Variants in PHLPP1 observed in about 807,000 individuals in gnomAD.
PHLPP1 encodes the protein PH domain leucine-rich repeat-containing protein phosphatase 1.
In PHLPP1, 42 loss-of-function variants were observed where a neutral mutation model predicts 117.2. The ratio of observed to expected loss-of-function variants is 0.36; its 90% confidence interval spans 0.28 to 0.46. PHLPP1 has a LOEUF of 0.46. Among genes scored for constraint, PHLPP1 ranks in the 20% least tolerant of loss-of-function variants. PHLPP1 has a pLI of 1.00. For synonymous variants in PHLPP1, 1,042 were observed against 970.7 expected, an observed-to-expected ratio of 1.07 and a Z score of -1.37; for missense variants, 2,084 against 2,241.9, an observed-to-expected ratio of 0.93 and a Z score of 1.42.
intron 13 of PHLPP1, among the ~76,000 whole-genome samples, chr18:62,959,285 T>C (rs1024966067): frequency 8.5e-5 from 13 of 152,328 alleles, no homozygotes; most frequent in African/African-American, 3.1e-4. Context: ...CAATTGAATA[T>C]TACAAAGCCA....
At chr18:62,751,542 A>G (rs1269569261) in intron 1 of PHLPP1, among the ~76,000 whole-genome samples, 1 of 152,220 alleles carries the variant, frequency 6.6e-6, no homozygotes, top group Non-Finnish European at 1.5e-5. Context: ...CTGCCTAATT[A>G]TACTGTAAAA....
chr18:62,937,626 T>C (rs1489163696), intron 10 of PHLPP1, among the ~76,000 whole-genome samples: 3 of 152,236 alleles, frequency 2.0e-5, no homozygotes, highest in Non-Finnish European at 4.4e-5. Flanking sequence ...TATTGAGCCA[T>C]TGCCAAATAA....
intron 12 of PHLPP1, among the ~76,000 whole-genome samples, chr18:62,954,595 T>A (rs1275876673): frequency 6.6e-6 from 1 of 152,146 alleles, no homozygotes; most frequent in Non-Finnish European, 1.5e-5. Flanking sequence ...GATACCAACA[T>A]CCTGTAATTT....
At chr18:62,736,785 A>G (rs548359431) in intron 1 of PHLPP1, among the ~76,000 whole-genome samples, 83 of 152,272 alleles carry the variant, frequency 5.5e-4, no homozygotes, top group African/African-American at 1.6e-3. Flanking sequence ...TCCAAATTTC[A>G]GTGGAGGTTT....
chr18:62,716,458 G>C lies in PHLPP1; in HGVS notation c.775G>C (p.Glu259Gln), dbSNP rs1235061364. The C allele has an allele frequency of 4.6e-6, 6 of 1,296,454 alleles. No homozygotes were observed. In the African/African-American group the frequency reaches 9.3e-5, roughly 20 times the overall value. 80.3% of individuals were successfully genotyped at this position (1,296,454 alleles called of 1,614,324 possible). Residue 259 changes from glutamate to glutamine, a missense_variant, in exon 1 of 17, where the codon GAG becomes CAG. Coordinates refer to ENST00000262719, the MANE Select transcript of PHLPP1 (RefSeq NM_194449.4). This position sits in a 1 kb window ranked among gnomAD's most constrained non-coding sequence, Gnocchi z 5.7. ...GGGGCCCGGAGCCGCCGCCGCCCGG[G>C]AGCCCGCTGAACCGCCCCCCGAGGC... ...GQGPGAAAAR[E>Q]PAEPPPEAGP...
At chr18:62,857,970 C>T (rs1308840329) in intron 3 of PHLPP1, among the ~76,000 whole-genome samples, 6 of 152,212 alleles carry the variant, frequency 3.9e-5, no homozygotes, top group Non-Finnish European at 1.5e-5. Flanking sequence ...CTATGAATGC[C>T]GTAGGAATCC....
chr18:62,871,644 A>ATTTTTTTTTTT (rs71160879), intron 4 of PHLPP1, among the ~76,000 whole-genome samples: 40 of 108,624 alleles, frequency 3.7e-4, no homozygotes, highest in Non-Finnish European at 6.6e-4. Flanking sequence ...AGCTCTGAAA[A>ATTTTTTTTTTT]TTTTTTTTTT....
rs970744510 is a variant in PHLPP1 at position 62,717,331 on chromosome 18, G to T, written c.1576+72G>T. 17 of 1,509,502 alleles carry T rather than the reference G, an allele frequency of 1.1e-5. No homozygotes were observed. The African/African-American group carries it at 2.4e-4, about 21-fold the overall frequency. The allele number at this position is 1,509,502 out of a possible 1,614,324, so 93.5% of individuals were successfully genotyped here. A position where few individuals can be genotyped will look rare whatever the true frequency, so the allele number is the denominator to read the frequency against. ...GACCGAGGAGTGATTCAAATTGCTT[G>T]TCAGTTTGCCCAACCCAAGAGTAAG... On this transcript the variant is annotated intron_variant, in intron 1 of 16. Coordinates refer to ENST00000262719, the MANE Select transcript of PHLPP1 (RefSeq NM_194449.4).
intron 1 of PHLPP1, among the ~76,000 whole-genome samples, chr18:62,787,474 A>G (rs1312526641): frequency 1.3e-5 from 2 of 152,128 alleles, no homozygotes; most frequent in East Asian, 1.9e-4. Flanking sequence ...GACCTAAAGC[A>G]TCGTTTTGAA....
chr18:62,764,163 CAA>C (rs34939800), intron 1 of PHLPP1, among the ~76,000 whole-genome samples: 26 of 79,218 alleles, frequency 3.3e-4, no homozygotes, highest in Middle Eastern at 6.3e-3. Context: ...AACTCCATCT[CAA>C]AAAAAAAAAA....
chr18:62,727,345 A>T (rs1259582409), intron 1 of PHLPP1, among the ~76,000 whole-genome samples: 1 of 152,090 alleles, frequency 6.6e-6, no homozygotes, highest in Non-Finnish European at 1.5e-5. Flanking sequence ...TATGTGGCAC[A>T]TGCCTGTATT....
Position 62,733,712 on chromosome 18 carries a change from A to G in PHLPP1, c.1576+16453A>G, listed in dbSNP as rs150489863. Reference sequence around the variant, plus strand: ...AGGTGAAAAGTGTTCTAATGGAGACATAGTATTCGCAGGTTACTGTAGTAG... The same window carrying G: ...AGGTGAAAAGTGTTCTAATGGAGACGTAGTATTCGCAGGTTACTGTAGTAG... On this transcript the variant is annotated intron_variant, in intron 1 of 16. Transcript: ENST00000262719. Among the ~76,000 whole-genome samples, 13 of 152,334 alleles carry G rather than the reference A, an allele frequency of 8.5e-5. No individual in the cohort carries two copies. The East Asian group carries it at 1.9e-3, about 23-fold the overall frequency.
At chr18:62,944,662 T>G (rs551944) in intron 11 of PHLPP1, among the ~76,000 whole-genome samples, 7 of 151,926 alleles carry the variant, frequency 4.6e-5, no homozygotes, top group African/African-American at 1.7e-4. Flanking sequence ...TATCTTAATA[T>G]GAACTATAGA....
intron 1 of PHLPP1, among the ~76,000 whole-genome samples, chr18:62,739,450 G>A (rs963282840): frequency 9.9e-5 from 15 of 152,094 alleles, no homozygotes; most frequent in African/African-American, 3.4e-4. Context: ...TATTGATTTG[G>A]GTTTTAGTTT....
In PHLPP1 at chr18:62,905,198, T is replaced by C. The variant is rs368358878; in HGVS notation, c.2648-26T>C. 1.0e-5 allele frequency: 15 copies of C among 1,438,544 alleles called. No homozygotes were observed. The African/African-American group carries it at 2.2e-4, about 21-fold the overall frequency. 89.1% of individuals were successfully genotyped at this position (1,438,544 alleles called of 1,614,324 possible). A position where few individuals can be genotyped will look rare whatever the true frequency, so the allele number is the denominator to read the frequency against. On this transcript the variant is annotated intron_variant, in intron 7 of 16. Transcript: ENST00000262719. The stretch of plus-strand genomic sequence containing the variant: ...TATGTCATTTGTATAGTAATGTCTT[T>C]GTGGGGTTTTTTTTTTTCTTCCTAG...
chr18:62,829,478 G>A (rs1478922549), intron 1 of PHLPP1, among the ~76,000 whole-genome samples: 3 of 152,162 alleles, frequency 2.0e-5, no homozygotes, highest in Admixed American at 6.5e-5. Flanking sequence ...CAACCCAGGC[G>A]TGGTGGCTCA....
chr18:62,759,701 G>A (rs1326438696), intron 1 of PHLPP1, among the ~76,000 whole-genome samples: 2 of 152,192 alleles, frequency 1.3e-5, no homozygotes, highest in African/African-American at 4.8e-5. Flanking sequence ...TTCAGAATTA[G>A]TGATATCTTC....
intron 14 of PHLPP1, among the ~76,000 whole-genome samples, chr18:62,971,711 G>T (rs927614310): frequency 1.3e-5 from 2 of 152,102 alleles, no homozygotes; most frequent in African/African-American, 4.8e-5. Flanking sequence ...TCCAGTTGGG[G>T]TTTGTTTGTT....
In PHLPP1 at chr18:62,851,035, G is replaced by A. The variant is rs1915334768; in HGVS notation, c.1900-9400G>A. Reference sequence around the variant, plus strand: ...ATTTAGATGTGTGTGTCCTCAAGAGGCTAAGCTTTTGGAGACAAAGACTGC... The same window carrying A: ...ATTTAGATGTGTGTGTCCTCAAGAGACTAAGCTTTTGGAGACAAAGACTGC... On this transcript the variant is annotated intron_variant, in intron 3 of 16. Transcript: ENST00000262719. 2.0e-5 allele frequency among the ~76,000 whole-genome samples: 3 copies of A among 152,294 alleles called. No individual in the cohort carries two copies. The South Asian group carries it at 6.2e-4, about 32-fold the overall frequency.
Sources: allele counts gnomAD v4.1 joint callset (sites outside exome capture counted in the v4.1 genomes callset), GRCh38; gene constraint gnomAD v4.1.1; non-coding constraint Gnocchi (gnomAD v3.1); transcripts MANE v1.5; gene names NCBI Gene and HGNC (gene_info 2026-07-23, HGNC 2026-07-21).